Variants in MSRA observed in about 807,000 individuals in gnomAD.
MSRA encodes the protein methionine sulfoxide reductase A.
A neutral mutation model predicts 31.3 loss-of-function variants in MSRA; 54 were observed. That is an observed-to-expected ratio of 1.73 (90% CI 1.39 to 2.17). The LOEUF is 2.17. Ranked by LOEUF, MSRA falls within the 30% of genes most tolerant of loss-of-function variation. The probability of loss-of-function intolerance (pLI) is 0.00; values close to 1 mark genes in which losing one functional copy is unlikely to be tolerated. For synonymous variants in MSRA, 169 were observed against 116.5 expected (o/e 1.45, Z -2.90); for missense variants, 507 against 300.9 (o/e 1.69, Z -5.07).
intron 5 of MSRA, among the ~76,000 whole-genome samples, chr8:10,363,744 A>ACACACACACACACG (rs1478365875): frequency 1.4e-4 from 20 of 146,350 alleles, no homozygotes; most frequent in Non-Finnish European, 2.6e-4. Context: ...GTCACCACAC[A>ACACACACACACACG]CACACACACA....
At chr8:10,215,405 G>T (rs1454552795) in intron 2 of MSRA, among the ~76,000 whole-genome samples, 1 of 152,192 alleles carries the variant, frequency 6.6e-6, no homozygotes, top group South Asian at 2.1e-4. Flanking sequence ...ATGATGCATT[G>T]GCCCCTTGGC....
chr8:10,415,666 C>T (rs1314899062), intron 5 of MSRA, among the ~76,000 whole-genome samples: 1 of 152,132 alleles, frequency 6.6e-6, no homozygotes, highest in East Asian at 1.9e-4. Flanking sequence ...CCTAGCCCAC[C>T]TTTCCAGTTT....
chr8:10,416,082 C>T (rs1479581457), intron 5 of MSRA, among the ~76,000 whole-genome samples: 2 of 152,090 alleles, frequency 1.3e-5, no homozygotes, highest in Non-Finnish European at 2.9e-5. Context: ...CTTCTCCTGC[C>T]TGAGCCTGCT....
At chr8:10,199,740 A>G (rs972174700) in intron 1 of MSRA, among the ~76,000 whole-genome samples, 10 of 152,208 alleles carry the variant, frequency 6.6e-5, no homozygotes, top group Admixed American at 2.0e-4. Flanking sequence ...GCTTTATTCT[A>G]TTAAAAATGT....
intron 5 of MSRA, among the ~76,000 whole-genome samples, chr8:10,391,044 C>T (rs1252668587): frequency 6.6e-6 from 1 of 151,690 alleles, no homozygotes; most frequent in Non-Finnish European, 1.5e-5. Context: ...TACCTATTCT[C>T]AAATGTACTT....
At chr8:10,196,063 G>C (rs994435459) in intron 1 of MSRA, among the ~76,000 whole-genome samples, 3 of 152,308 alleles carry the variant, frequency 2.0e-5, no homozygotes, top group African/African-American at 4.8e-5. Context: ...GGTGCGGGGT[G>C]GGGGAGCCAC....
intron 5 of MSRA, among the ~76,000 whole-genome samples, chr8:10,385,717 G>A (rs760210648): frequency 4.8e-4 from 73 of 152,172 alleles, no homozygotes; most frequent in African/African-American, 1.6e-3. Flanking sequence ...AGGCCAGGGC[G>A]GAGGTGGAAG....
chr8:10,105,203 T>C (rs1184986799), intron 1 of MSRA, among the ~76,000 whole-genome samples: 1 of 152,202 alleles, frequency 6.6e-6, no homozygotes, highest in Admixed American at 6.5e-5. Context: ...TCTTTTTTTT[T>C]CTCATTTTCC....
At chr8:10,088,506 G>A (rs145007478) in intron 1 of MSRA, among the ~76,000 whole-genome samples, 8 of 152,252 alleles carry the variant, frequency 5.3e-5, no homozygotes, top group Middle Eastern at 3.4e-3. Context: ...AGGCTGAAGC[G>A]GGTGGATCAC....
chr8:10,084,164 C>A (rs1008750221), intron 1 of MSRA, among the ~76,000 whole-genome samples: 5 of 152,216 alleles, frequency 3.3e-5, no homozygotes, highest in African/African-American at 4.8e-5. Context: ...TCCGACTTGT[C>A]CACGCTTCCA....
intron 5 of MSRA, among the ~76,000 whole-genome samples, chr8:10,382,649 T>G (rs1170582860): frequency 6.6e-6 from 1 of 152,098 alleles, no homozygotes; most frequent in Non-Finnish European, 1.5e-5. Flanking sequence ...CCAACTACAG[T>G]TACTGAGGCA....
At chr8:10,160,078 C>G (rs539670666) in intron 1 of MSRA, among the ~76,000 whole-genome samples, 1 of 152,146 alleles carries the variant, frequency 6.6e-6, no homozygotes, top group Non-Finnish European at 1.5e-5. Flanking sequence ...ATTTTTTACA[C>G]TTTGTCAGTT....
intron 1 of MSRA, among the ~76,000 whole-genome samples, chr8:10,098,838 C>T (rs1335244582): frequency 6.6e-6 from 1 of 152,196 alleles, no homozygotes; most frequent in South Asian, 2.1e-4. Flanking sequence ...AGCCACTGCT[C>T]ACATGCTAGA....
intron 1 of MSRA, among the ~76,000 whole-genome samples, chr8:10,061,848 T>C (rs1797207326): frequency 6.6e-6 from 1 of 151,512 alleles, no homozygotes; most frequent in African/African-American, 2.4e-5. Flanking sequence ...GGATGAAGGG[T>C]GGGGAACCCC....
intron 5 of MSRA, among the ~76,000 whole-genome samples, chr8:10,332,991 A>T (rs993779525): frequency 6.6e-6 from 1 of 152,194 alleles, no homozygotes; most frequent in Non-Finnish European, 1.5e-5. Context: ...ATTCACTTGC[A>T]CTGAGTTCCA....
At chr8:10,403,789 A>G (rs1047285198) in intron 5 of MSRA, among the ~76,000 whole-genome samples, 3 of 152,216 alleles carry the variant, frequency 2.0e-5, no homozygotes, top group Admixed American at 6.5e-5. Context: ...GACGGGCGGG[A>G]CGTGAGTCCT....
intron 1 of MSRA, among the ~76,000 whole-genome samples, chr8:10,088,551 A>G (rs944549031): frequency 3.3e-5 from 5 of 152,174 alleles, no homozygotes; most frequent in African/African-American, 9.7e-5. Context: ...CCCAGCCAAC[A>G]TGGCGAAACC....
chr8:10,081,531 C>G (rs1168163813), intron 1 of MSRA, among the ~76,000 whole-genome samples: 2 of 152,128 alleles, frequency 1.3e-5, no homozygotes, highest in African/African-American at 4.8e-5. Context: ...ACTCTGTCAC[C>G]CAGGCTGGAG....
chr8:10,103,012 T>A (rs543279970), intron 1 of MSRA, among the ~76,000 whole-genome samples: 8 of 152,322 alleles, frequency 5.3e-5, no homozygotes, highest in African/African-American at 9.6e-5. Flanking sequence ...TGAGCCTTCT[T>A]TAATCACTAG....
Sources: gnomAD v4.1 joint callset for allele counts (sites outside exome capture counted in the v4.1 genomes callset) on GRCh38, gnomAD v4.1.1 for gene constraint, MANE v1.5 for transcripts, NCBI Gene and HGNC (gene_info 2026-07-23, HGNC 2026-07-21) for gene names.